The following BUB1B variants were observed in gnomAD, a reference collection of about 807,000 sequenced individuals.
BUB1B encodes the protein BUB1 mitotic checkpoint serine/threonine kinase B.
Under a neutral mutation model 137.7 loss-of-function variants are expected in BUB1B, and 86 were observed. The ratio of observed to expected loss-of-function variants is 0.62; its 90% CI spans 0.52 to 0.75. The LOEUF (loss-of-function observed/expected upper bound fraction) is 0.75, where lower values mean the gene tolerates loss of function less well. Among genes scored for constraint, BUB1B ranks in the 30% least tolerant of loss-of-function variants. The pLI, the probability that BUB1B is intolerant of heterozygous loss-of-function variation, is 0.00. For missense variants in BUB1B, 1,130 were observed against 1,236.9 expected, an observed-to-expected ratio of 0.91 and a Z score of 1.30; for synonymous variants, 420 against 417.9, an observed-to-expected ratio of 1.00 and a Z score of -0.06.
chr15:40,202,401 C>G lies in BUB1B; in HGVS notation c.1568-4C>G. 6.2e-7 allele frequency: 1 copy of G among 1,606,128 alleles called. No homozygotes were observed. Among genetic ancestry groups the G allele is most frequent in the Non-Finnish European group, 8.5e-7 (1 of 1,174,518 alleles). ...GAGTATGTATCTAGTCTCTCTTTCTCTAGGTCCCAGTGTACCTTTCTCCAT... is the reference window on the plus strand; with the variant it reads ...GAGTATGTATCTAGTCTCTCTTTCTGTAGGTCCCAGTGTACCTTTCTCCAT... On this transcript the variant is annotated splice_region_variant and splice_polypyrimidine_tract_variant and intron_variant, in intron 12 of 22. Transcript: ENST00000287598.
At chr15:40,197,161 T>C (rs1297252307) in intron 9 of BUB1B, among the ~76,000 whole-genome samples, 1 of 152,244 alleles carries the variant, frequency 6.6e-6, no homozygotes, top group Non-Finnish European at 1.5e-5. Flanking sequence ...TTCCTAATGT[T>C]ATTGCTTGAA....
intron 2 of BUB1B, among the ~76,000 whole-genome samples, chr15:40,167,342 CTTTTTTTTTTT>C (rs767161007): frequency 2.6e-5 from 2 of 77,098 alleles, no homozygotes; most frequent in Admixed American, 2.0e-4. Flanking sequence ...TTCATTTTAG[CTTTTTTTTTTT>C]TTTTTTTTTT....
chr15:40,192,555 TTC>T (rs893803702), intron 8 of BUB1B, among the ~76,000 whole-genome samples: 1 of 152,204 alleles, frequency 6.6e-6, no homozygotes, highest in African/African-American at 2.4e-5. Context: ...GTTCATCCCT[TTC>T]TCTCTCTCCC....
At chr15:40,200,834 ATAT>A (rs1258027725) in intron 11 of BUB1B, 94 bp from the exon 12 acceptor site, 6 of 993,322 alleles carry the variant, frequency 6.0e-6, no homozygotes, top group African/African-American at 4.9e-5. Context: ...CTTAGAGTAA[ATAT>A]TATATTTAAT....
chr15:40,167,427 C>T (rs1047773875), intron 2 of BUB1B, among the ~76,000 whole-genome samples: 1 of 146,962 alleles, frequency 6.8e-6, no homozygotes, highest in African/African-American at 2.5e-5. Context: ...ACTGCAACCT[C>T]CGCCTCCCGG....
chr15:40,172,020 AAAAT>A (rs1239025009), intron 4 of BUB1B, among the ~76,000 whole-genome samples: 8 of 152,072 alleles, frequency 5.3e-5, no homozygotes, highest in Non-Finnish European at 7.4e-5. Flanking sequence ...ATTTCTTACT[AAAAT>A]AAATCTCTTG....
chr15:40,216,746 A>G (rs1459941040), intron 20 of BUB1B, among the ~76,000 whole-genome samples: 1 of 151,606 alleles, frequency 6.6e-6, no homozygotes, highest in African/African-American at 2.4e-5. Context: ...TATTGCACCA[A>G]TATCAGGAGT....
intron 14 of BUB1B, among the ~76,000 whole-genome samples, chr15:40,203,131 T>C (rs1418449733): frequency 6.6e-6 from 1 of 152,048 alleles, no homozygotes; most frequent in Non-Finnish European, 1.5e-5. Context: ...GTATTACTCA[T>C]GATAGTGGAA....
At position 40,196,159 on chromosome 15, in the gene BUB1B, T is replaced by G. The variant is rs149046603; in HGVS notation, c.1059-386T>G. On this transcript the variant is annotated intron_variant, in intron 8 of 22. Transcript: ENST00000287598. ...TTTGATCCACCTTGAGTTGATTTTT[T>G]GTATAAGGTGAGAGAGGAGGATCTA... 3.3e-3 allele frequency among the ~76,000 whole-genome samples: 505 copies of G among 152,346 alleles called. 2 individuals carry two copies. Among genetic ancestry groups the G allele is most frequent in the African/African-American group, 0.011 (458 of 41,586 alleles).
At chr15:40,170,771 A>C (rs1595511183) in intron 4 of BUB1B, 90 bp downstream of exon 4, 76 of 1,356,572 alleles carry the variant, frequency 5.6e-5, no homozygotes, top group African/African-American at 2.9e-5. Context: ...AAAAAGTAAA[A>C]CAGCCATTTT....
At chr15:40,164,691 C>G (rs1212735506) in intron 1 of BUB1B, among the ~76,000 whole-genome samples, 1 of 143,684 alleles carries the variant, frequency 7.0e-6, no homozygotes, top group Non-Finnish European at 1.5e-5. Context: ...AAGAAAGAGG[C>G]AGGGTCTTGC....
In BUB1B at chr15:40,165,139, T is replaced by C; in HGVS notation, c.122T>C (p.Leu41Pro). ...PLRQGRIMST[L>P]QGALAQESAC... ...AGGCAAGGGCGGATCATGTCCACGCTTCAGGGAGCACTGGCACAAGAATCT... is the reference window on the plus strand; with the variant it reads ...AGGCAAGGGCGGATCATGTCCACGCCTCAGGGAGCACTGGCACAAGAATCT... Residue 41 changes from leucine (L) to proline (P), a missense_variant, in exon 2 of 23, where the codon CTT becomes CCT. Leu to Pro is a moderately conservative substitution (Grantham distance 98). Coordinates refer to ENST00000287598, the MANE Select transcript of BUB1B (RefSeq NM_001211.6). 6.2e-7 allele frequency: 1 copy of C among 1,614,174 alleles called. No homozygotes were observed. The highest frequency in any genetic ancestry group is 8.5e-7 in the Non-Finnish European group (1 of 1,180,030).
In BUB1B at chr15:40,213,424, A is replaced by G. The variant is rs768648860; in HGVS notation, c.2628A>G (p.Ala876=). ...LLTIVEMLHK[A]EIVHGDLSPR... ...CAATAGTGGAGATGCTACACAAAGC[A>G]GAAATAGTCCATGGTGACTTGAGTC... The change falls in exon 20 of 23, where the codon GCA becomes GCG. Residue 876 remains alanine, a synonymous_variant. Transcript: ENST00000287598. 205 of 1,614,124 alleles carry G rather than the reference A, an allele frequency of 1.3e-4. No homozygotes were observed. Among genetic ancestry groups the G allele is most frequent in the Non-Finnish European group, 1.6e-4 (192 of 1,180,044 alleles).
chr15:40,220,820 G>GA lies in BUB1B; in HGVS notation c.*64dup. 1 of 1,513,470 alleles carries GA rather than the reference G, an allele frequency of 6.6e-7. No homozygotes were observed. The highest frequency in any genetic ancestry group is 9.2e-7 in the Non-Finnish European group (1 of 1,088,932). The allele number at this position is 1,513,470 out of a possible 1,614,324, so 93.8% of individuals were successfully genotyped here. ...AGCAATGGTTGTATTGTGGAACACT[G>GA]AAACTGTATGTGCTGTAATTTAATT... On this transcript the variant is annotated 3_prime_UTR_variant, in exon 23 of 23. Coordinates refer to ENST00000287598, the MANE Select transcript of BUB1B (RefSeq NM_001211.6).
At chr15:40,202,528 A>C in intron 13 of BUB1B, 61 bp from the exon 14 acceptor site, 1 of 1,593,266 alleles carries the variant, frequency 6.3e-7, no homozygotes, top group Admixed American at 1.7e-5. Context: ...ATTATAAGTG[A>C]GGATAAATTA....
At chr15:40,209,553 T>C in intron 16 of BUB1B, 82 bp from the exon 17 acceptor site, 1 of 1,535,928 alleles carries the variant, frequency 6.5e-7, no homozygotes, top group Non-Finnish European at 9.0e-7. Context: ...GATTTTTTTT[T>C]TCTTCTACTC....
chr15:40,200,244 C>CATTAAA lies in BUB1B; in HGVS notation c.1403_1404insTTAAAA (p.Gln468delinsHisTer), dbSNP rs750482625. 2.5e-6 allele frequency: 4 copies of CATTAAA among 1,609,122 alleles called. No homozygotes were observed. The highest frequency in any genetic ancestry group is 1.7e-5 in the Admixed American group (1 of 59,958). Reference sequence around the variant, plus strand: ...GATTTTGTTTATTTAATGCAAACAGCAAGAAGAGACGATGCCTACAAAGGA... The same window carrying CATTAAA: ...GATTTTGTTTATTTAATGCAAACAGCATTAAAAAGAAGAGACGATGCCTACAAAGGA... On this transcript the variant is annotated stop_gained and protein_altering_variant and splice_region_variant, in exon 11 of 23. Transcript: ENST00000287598. LOFTEE classifies it high-confidence loss of function.
chr15:40,199,397 C>T (rs576081502), intron 9 of BUB1B, among the ~76,000 whole-genome samples: 6 of 152,180 alleles, frequency 3.9e-5, no homozygotes, highest in African/African-American at 1.2e-4. Context: ...ATGTTTTTTT[C>T]CTTTTAGTAG....
chr15:40,215,074 A>C (rs549978823), intron 20 of BUB1B, among the ~76,000 whole-genome samples: 1 of 152,342 alleles, frequency 6.6e-6, no homozygotes, highest in African/African-American at 2.4e-5. Context: ...CAGCCACTAG[A>C]GGCTCTAGGA....
Sources: allele counts gnomAD v4.1 joint callset (sites outside exome capture counted in the v4.1 genomes callset), GRCh38; gene constraint gnomAD v4.1.1; transcripts MANE v1.5; gene names NCBI Gene and HGNC (gene_info 2026-07-23, HGNC 2026-07-21).